The following WAC variants were observed in gnomAD, a reference collection of about 807,000 sequenced individuals.
WAC encodes WW domain-containing adapter protein with coiled-coil.
A neutral mutation model predicts 79.6 loss-of-function variants in WAC; 11 were observed. The observed-to-expected ratio is 0.14, with a 90% CI of 0.09 to 0.23. The LOEUF (loss-of-function observed/expected upper bound fraction) is 0.23, where lower values mean the gene tolerates loss of function less well. Among genes scored for constraint, WAC ranks in the 10% least tolerant of loss-of-function variants. WAC has a pLI of 1.00. For synonymous variants in WAC, 304 were observed against 276.9 expected (o/e 1.10, Z -0.97); for missense variants, 728 against 773.5 (o/e 0.94, Z 0.70).
intron 3 of WAC, among the ~76,000 whole-genome samples, chr10:28,561,864 TCTAA>T (rs1423701438): frequency 6.6e-6 from 1 of 152,136 alleles, no homozygotes; most frequent in Non-Finnish European, 1.5e-5. Flanking sequence ...CTTATGAGAA[TCTAA>T]CTAATGCCTT....
At chr10:28,619,033 C>T (rs1841592508) in intron 13 of WAC, among the ~76,000 whole-genome samples, 1 of 152,214 alleles carries the variant, frequency 6.6e-6, no homozygotes, top group Admixed American at 6.5e-5. Context: ...AATCCCAGCA[C>T]TTTGGGAGGC....
At chr10:28,555,658 A>C (rs182494883) in intron 3 of WAC, among the ~76,000 whole-genome samples, 9 of 152,254 alleles carry the variant, frequency 5.9e-5, no homozygotes, top group Admixed American at 1.3e-4. Flanking sequence ...GCGTTCCCTA[A>C]ATTTTTATTT....
intron 7 of WAC, among the ~76,000 whole-genome samples, chr10:28,603,491 T>C (rs1157022728): frequency 6.6e-6 from 1 of 152,214 alleles, no homozygotes; most frequent in Non-Finnish European, 1.5e-5. Context: ...AAATTCATTC[T>C]TTGTGTTTAG....
At chr10:28,534,082 A>AAGGG in intron 2 of WAC, 48 bp downstream of exon 2, 1 of 1,534,838 alleles carries the variant, frequency 6.5e-7, no homozygotes, top group Non-Finnish European at 8.8e-7. Flanking sequence ...CCGGAGGGGG[A>AAGGG]AGGGAGGGAC....
intron 11 of WAC, 51 bp from the exon 12 acceptor site, chr10:28,616,122 A>C: frequency 7.2e-7 from 1 of 1,395,396 alleles, no homozygotes; most frequent in South Asian, 1.5e-5. Context: ...TAGGATAAGG[A>C]TACCCAGAAA....
intron 2 of WAC, 174 bp downstream of exon 2, chr10:28,534,208 C>T (rs916482178): frequency 3.7e-5 from 21 of 560,954 alleles, no homozygotes; most frequent in Non-Finnish European, 6.0e-5. Context: ...CGCTCTCCAG[C>T]AAGGTTTAGT....
chr10:28,535,161 GCTTA>G lies in WAC; in HGVS notation c.79-400_79-397del, dbSNP rs564412047. On this transcript the variant is annotated intron_variant, in intron 2 of 13. Transcript: ENST00000354911. ...GGTAGGTTTGCAAAAATATGCATGT[GCTTA>G]TTTATACATGTGTTTGTGTATATCA... 4.1e-3 allele frequency: 598 copies of G among 146,538 alleles called. 6 individuals are homozygous for G. Among genetic ancestry groups the G allele is most frequent in the African/African-American group, 0.014 (574 of 39,768 alleles). 9.1% of individuals were successfully genotyped at this position (146,538 alleles called of 1,614,324 possible).
At chr10:28,579,638 T>C (rs1240338024) in intron 3 of WAC, among the ~76,000 whole-genome samples, 3 of 152,188 alleles carry the variant, frequency 2.0e-5, no homozygotes, top group Non-Finnish European at 2.9e-5. Context: ...TCGGTATGGC[T>C]CTAGAAAATC....
intron 7 of WAC, among the ~76,000 whole-genome samples, chr10:28,597,756 C>T (rs905550551): frequency 6.6e-6 from 1 of 152,138 alleles, no homozygotes; most frequent in Non-Finnish European, 1.5e-5. Flanking sequence ...TTCTTAGATT[C>T]GCAGTAATTG....
intron 7 of WAC, among the ~76,000 whole-genome samples, chr10:28,600,497 G>A (rs1283488326): frequency 6.6e-6 from 1 of 152,086 alleles, no homozygotes; most frequent in African/African-American, 2.4e-5. Flanking sequence ...AAATATTCAT[G>A]AAAAGTTAGA....
Position 28,621,258 on chromosome 10 carries a change from C to T in WAC, c.*1652C>T, listed in dbSNP as rs1431907067. 7.7e-6 allele frequency: 1 copy of T among 130,682 alleles called. No homozygotes were observed. Among genetic ancestry groups the T allele is most frequent in the East Asian group, 2.2e-4 (1 of 4,470 alleles). 8.1% of individuals were successfully genotyped at this position (130,682 alleles called of 1,614,324 possible). ...TTTCTGTTGGGGCAGATAAGTGCTTCCAAAACTGGCAGCACCAAGGGCTTA... is the reference window on the plus strand; with the variant it reads ...TTTCTGTTGGGGCAGATAAGTGCTTTCAAAACTGGCAGCACCAAGGGCTTA... On this transcript the variant is annotated 3_prime_UTR_variant, in exon 14 of 14. Transcript: ENST00000354911.
intron 3 of WAC, among the ~76,000 whole-genome samples, chr10:28,542,189 C>G (rs1837091122): frequency 6.6e-6 from 1 of 152,224 alleles, no homozygotes; most frequent in African/African-American, 2.4e-5. Flanking sequence ...AGTAATGTGT[C>G]TGCTTAAGTG....
At chr10:28,574,267 C>T (rs1839129521) in intron 3 of WAC, among the ~76,000 whole-genome samples, 1 of 152,168 alleles carries the variant, frequency 6.6e-6, no homozygotes, top group African/African-American at 2.4e-5. Flanking sequence ...CCTGCCTCTG[C>T]CTCCCAAGTA....
In WAC at chr10:28,621,500, G is replaced by A. The variant is rs1841691680; in HGVS notation, c.*1894G>A. Reference sequence around the variant, plus strand: ...AATTAAAAGGAATTAAAATCTTGAAGATATTTTCCTGTAATTTAAGGATAC... The same window carrying A: ...AATTAAAAGGAATTAAAATCTTGAAAATATTTTCCTGTAATTTAAGGATAC... On this transcript the variant is annotated 3_prime_UTR_variant, in exon 14 of 14. Coordinates refer to ENST00000354911, the MANE Select transcript of WAC (RefSeq NM_016628.5). The A allele has an allele frequency of 6.6e-6, 1 of 152,088 alleles. No individual in the cohort carries two copies. Among genetic ancestry groups the A allele is most frequent in the South Asian group, 2.1e-4 (1 of 4,830 alleles). The allele number at this position is 152,088 out of a possible 1,614,324, so 9.4% of individuals were successfully genotyped here. A position where few individuals can be genotyped will look rare whatever the true frequency, so the allele number is the denominator to read the frequency against.
intron 2 of WAC, among the ~76,000 whole-genome samples, chr10:28,534,836 T>C (rs924617339): frequency 2.6e-5 from 4 of 152,214 alleles, no homozygotes; most frequent in African/African-American, 9.7e-5. Context: ...ATGTAAAACA[T>C]TGGATATGTC....
At chr10:28,590,059 G>A (rs1840008234) in intron 5 of WAC, among the ~76,000 whole-genome samples, 1 of 152,130 alleles carries the variant, frequency 6.6e-6, no homozygotes, top group Non-Finnish European at 1.5e-5. Flanking sequence ...AGTGGCTCAT[G>A]CCTGTAATCC....
At position 28,576,443 on chromosome 10, in the gene WAC, C is replaced by T. The variant is rs575882731; in HGVS notation, c.275-6956C>T. On this transcript the variant is annotated intron_variant, in intron 3 of 13. Coordinates refer to ENST00000354911, the MANE Select transcript of WAC (RefSeq NM_016628.5). ...TCATTTGTTTGTGACAGATATAAGG[C>T]AGATGTATTATATATATAGCATTAT... Among the ~76,000 whole-genome samples, 53 of 152,192 alleles carry T rather than the reference C, an allele frequency of 3.5e-4. No homozygotes were observed. In the East Asian group the frequency reaches 6.8e-3, roughly 19 times the overall value.
At chr10:28,583,145 C>T (rs1396997053) in intron 3 of WAC, among the ~76,000 whole-genome samples, 4 of 151,930 alleles carry the variant, frequency 2.6e-5, no homozygotes, top group Non-Finnish European at 5.9e-5. Context: ...TTGTTTCTCT[C>T]AAAAAGGTTG....
At chr10:28,543,279 T>C (rs1445246230) in intron 3 of WAC, among the ~76,000 whole-genome samples, 1 of 152,198 alleles carries the variant, frequency 6.6e-6, no homozygotes, top group South Asian at 2.1e-4. Context: ...TGTACTTTTC[T>C]AGTAGCTTTG....
Sources: allele counts gnomAD v4.1 joint callset (sites outside exome capture counted in the v4.1 genomes callset), GRCh38; gene constraint gnomAD v4.1.1; transcripts MANE v1.5; gene names NCBI Gene and HGNC (gene_info 2026-07-23, HGNC 2026-07-21).